Variants in SEMA3A observed in about 807,000 individuals in gnomAD.
The protein encoded by SEMA3A is semaphorin 3A.
A neutral mutation model predicts 97.9 loss-of-function variants in SEMA3A; 29 were observed. That is an observed-to-expected ratio of 0.30 (90% confidence interval 0.22 to 0.40). The LOEUF (loss-of-function observed/expected upper bound fraction) is 0.40, where lower values mean the gene tolerates loss of function less well. SEMA3A is among the 10% of genes least tolerant of loss of function. The pLI is 1.00. For missense variants in SEMA3A, 763 were observed against 951.3 expected (o/e 0.80, Z 2.60); for synonymous variants, 321 against 323.7 (o/e 0.99, Z 0.09).
At chr7:84,250,720 T>C (rs1011077118) in intron 3 of SEMA3A, among the ~76,000 whole-genome samples, 2 of 152,222 alleles carry the variant, frequency 1.3e-5, no homozygotes, top group Non-Finnish European at 2.9e-5. Flanking sequence ...TTAATCTGTT[T>C]TCATAATTCA....
chr7:84,091,343 GGGAAGGAA>G (rs908736677), intron 4 of SEMA3A, among the ~76,000 whole-genome samples: 5 of 105,104 alleles, frequency 4.8e-5, no homozygotes, highest in Admixed American at 2.2e-4. Flanking sequence ...AGAAAGAGGA[GGGAAGGAA>G]GGAAGAAAGG....
chr7:84,073,791 C>T (rs1221451126), intron 4 of SEMA3A, among the ~76,000 whole-genome samples: 1 of 149,706 alleles, frequency 6.7e-6, no homozygotes, highest in Admixed American at 6.7e-5. Context: ...GCTTCTTTAA[C>T]TCATGTTTCT....
At chr7:84,418,922 C>CAT (rs113016834) in intron 1 of SEMA3A, among the ~76,000 whole-genome samples, 3,961 of 151,400 alleles carry the variant, frequency 0.026, 167 homozygotes, top group African/African-American at 0.089. Context: ...CATAAATACA[C>CAT]ATATATATAT....
chr7:84,486,169 C>G (rs573659335), intron 1 of SEMA3A, among the ~76,000 whole-genome samples: 2 of 152,250 alleles, frequency 1.3e-5, no homozygotes, highest in South Asian at 4.1e-4. Context: ...GCAGGCAGAT[C>G]ATGAGGTCAG....
intron 1 of SEMA3A, among the ~76,000 whole-genome samples, chr7:84,392,422 G>T (rs1409697276): frequency 6.6e-6 from 1 of 152,088 alleles, no homozygotes; most frequent in Non-Finnish European, 1.5e-5. Context: ...AGGCTGAATA[G>T]TATTCCATTG....
intron 6 of SEMA3A, among the ~76,000 whole-genome samples, chr7:84,026,278 A>T (rs766122828): frequency 6.6e-6 from 1 of 152,184 alleles, no homozygotes; most frequent in Non-Finnish European, 1.5e-5. Flanking sequence ...TTTGAGGAGA[A>T]AATGTTTTTC....
At chr7:84,406,624 T>A (rs1191018219) in intron 1 of SEMA3A, among the ~76,000 whole-genome samples, 16 of 152,076 alleles carry the variant, frequency 1.1e-4, no homozygotes. Context: ...ACCAATATCC[T>A]TGATGAACAT....
chr7:84,020,619 T>C (rs1178685368), intron 6 of SEMA3A, among the ~76,000 whole-genome samples: 1 of 152,144 alleles, frequency 6.6e-6, no homozygotes, highest in Admixed American at 6.5e-5. Flanking sequence ...TCCTACCTTT[T>C]TCATTTTGGT....
chr7:84,059,841 C>A (rs1404917904), intron 5 of SEMA3A, among the ~76,000 whole-genome samples: 1 of 151,894 alleles, frequency 6.6e-6, no homozygotes, highest in Non-Finnish European at 1.5e-5. Flanking sequence ...TGATTTGCCA[C>A]TTTTTGTTTG....
rs377466464 is a variant in SEMA3A, at chr7:84,191,715, G to A, written c.112+2760C>T. Among the ~76,000 whole-genome samples the A allele has an allele frequency of 2.3e-4, 35 of 151,866 alleles. 1 individual carries two copies. The South Asian group carries it at 6.2e-3, about 27-fold the overall frequency. On this transcript the variant is annotated intron_variant, in intron 1 of 16. Coordinates refer to ENST00000265362, the MANE Select transcript of SEMA3A (RefSeq NM_006080.3). ...AAGACAAAAGTATTTCTGAGTAAAT[G>A]TTTCTTAAGGATAATTTCTATGTAA...
At chr7:84,058,220 A>T (rs1398466473) in intron 5 of SEMA3A, among the ~76,000 whole-genome samples, 1 of 152,124 alleles carries the variant, frequency 6.6e-6, no homozygotes, top group Non-Finnish European at 1.5e-5. Flanking sequence ...TTTCTATCTT[A>T]TTTGTACCAA....
chr7:83,959,178 GTCT>G lies in SEMA3A; in HGVS notation c.*2190_*2192del, dbSNP rs1788375430. On this transcript the variant is annotated 3_prime_UTR_variant, in exon 17 of 17. Coordinates refer to ENST00000265362, the MANE Select transcript of SEMA3A (RefSeq NM_006080.3). ...AACAAAATGCATTCAAATTCTGAAAGTCTTCTATAAATTTATCATATAATCTCT... is the reference window on the plus strand; with the variant it reads ...AACAAAATGCATTCAAATTCTGAAAGTCTATAAATTTATCATATAATCTCT... 6.6e-6 allele frequency: 1 copy of G among 151,960 alleles called. No homozygotes were observed. The highest frequency in any genetic ancestry group is 2.1e-4 in the South Asian group (1 of 4,830). The allele number at this position is 151,960 out of a possible 1,614,324, so 9.4% of individuals were successfully genotyped here. A position where few individuals can be genotyped will look rare whatever the true frequency, so the allele number is the denominator to read the frequency against.
At position 84,026,758 on chromosome 7, in the gene SEMA3A, A is replaced by G. The variant is rs552365232; in HGVS notation, c.668-12407T>C. On this transcript the variant is annotated intron_variant, in intron 6 of 16. Coordinates refer to ENST00000265362, the MANE Select transcript of SEMA3A (RefSeq NM_006080.3). ...AAACTAACACAGGAACAGAAAACCA[A>G]CTACTGCATGTTCTCACTTATAAGA... is the stretch of plus-strand genomic sequence containing the variant. Among the ~76,000 whole-genome samples, 18 of 152,310 alleles carry G rather than the reference A, an allele frequency of 1.2e-4. 1 individual carries two copies. The South Asian group carries it at 2.5e-3, about 21-fold the overall frequency.
intron 5 of SEMA3A, among the ~76,000 whole-genome samples, chr7:84,057,059 G>C (rs1793014924): frequency 6.6e-6 from 1 of 152,142 alleles, no homozygotes; most frequent in Non-Finnish European, 1.5e-5. Context: ...AATTAACTTA[G>C]AGAGTTCCTT....
At chr7:84,248,659 T>C (rs531691460) in intron 3 of SEMA3A, among the ~76,000 whole-genome samples, 1 of 152,210 alleles carries the variant, frequency 6.6e-6, no homozygotes, top group South Asian at 2.1e-4. Context: ...ACGTCAGTGA[T>C]TGTCTATAGT....
At position 83,958,941 on chromosome 7, in the gene SEMA3A, A is replaced by G. The variant is rs1788365674; in HGVS notation, c.*2430T>C. On this transcript the variant is annotated 3_prime_UTR_variant, in exon 17 of 17. Transcript: ENST00000265362. The stretch of plus-strand genomic sequence containing the variant: ...AAGTCTATTTAAAGCTGAATTATTA[A>G]ATGGGCCAATAATTCTTTTTCGTGC... 1 of 152,058 alleles carries G rather than the reference A, an allele frequency of 6.6e-6. No homozygotes were observed. Among genetic ancestry groups the G allele is most frequent in the South Asian group, 2.1e-4 (1 of 4,836 alleles). The allele number at this position is 152,058 out of a possible 1,614,324, so 9.4% of individuals were successfully genotyped here. A position where few individuals can be genotyped will look rare whatever the true frequency, so the allele number is the denominator to read the frequency against.
chr7:84,112,394 T>C (rs1256529722), intron 3 of SEMA3A, among the ~76,000 whole-genome samples: 1 of 152,136 alleles, frequency 6.6e-6, no homozygotes, highest in Non-Finnish European at 1.5e-5. Flanking sequence ...AGAACAAGAT[T>C]TCAGTCTGCA....
At chr7:84,133,507 C>T (rs6943497) in intron 2 of SEMA3A, among the ~76,000 whole-genome samples, 3,214 of 152,198 alleles carry the variant, frequency 0.021, 109 homozygotes, top group African/African-American at 0.073. Context: ...GTAGTTGGGG[C>T]ATACCAGTTC....
intron 2 of SEMA3A, among the ~76,000 whole-genome samples, chr7:84,336,606 A>G (rs1402778297): frequency 6.6e-6 from 1 of 152,144 alleles, no homozygotes; most frequent in Non-Finnish European, 1.5e-5. Context: ...ACAGTGTTCT[A>G]TGAGCCTGTG....
Sources: allele counts gnomAD v4.1 joint callset (sites outside exome capture counted in the v4.1 genomes callset), GRCh38; gene constraint gnomAD v4.1.1; transcripts MANE v1.5; gene names NCBI Gene and HGNC (gene_info 2026-07-23, HGNC 2026-07-21).